Variants in FHIP1A observed in about 807,000 individuals in gnomAD.
The protein encoded by FHIP1A is FHF complex subunit HOOK interacting protein 1A.
A neutral mutation model predicts 88.6 loss-of-function variants in FHIP1A; 61 were observed. That is an observed-to-expected ratio of 0.69 (90% CI 0.56 to 0.85). The LOEUF (loss-of-function observed/expected upper bound fraction) is 0.85, where lower values mean the gene tolerates loss of function less well. Ranked by LOEUF, FHIP1A falls within the 40% of genes least tolerant of loss-of-function variation. FHIP1A has a pLI of 0.00. For synonymous variants in FHIP1A, 478 were observed against 496.0 expected (o/e 0.96, Z 0.48); for missense variants, 1,154 against 1,273.5 (o/e 0.91, Z 1.43).
In FHIP1A at chr4:151,591,696, C is replaced by T. The variant is rs191770610; in HGVS notation, c.978+2770C>T. On this transcript the variant is annotated intron_variant, in intron 7 of 13. Transcript: ENST00000435205. ...ACTCCCACTTATGAGTGAGAACATG[C>T]GGTGTTTGGTTTTCTGTTCCTGTGT... 3.0e-3 allele frequency among the ~76,000 whole-genome samples: 461 copies of T among 152,178 alleles called. 3 individuals carry two copies. The highest frequency in any genetic ancestry group is 0.011 in the African/African-American group (441 of 41,510).
At chr4:151,654,935 C>T (rs1241080110) in intron 11 of FHIP1A, among the ~76,000 whole-genome samples, 1 of 152,118 alleles carries the variant, frequency 6.6e-6, no homozygotes, top group Non-Finnish European at 1.5e-5. Context: ...TTAGAGACAT[C>T]CTTAGTGTTC....
intron 3 of FHIP1A, among the ~76,000 whole-genome samples, chr4:151,554,251 C>A (rs1732860357): frequency 6.6e-6 from 1 of 152,178 alleles, no homozygotes; most frequent in Admixed American, 6.6e-5. Flanking sequence ...GCTTTTCTCA[C>A]TGGTGGCTGT....
intron 3 of FHIP1A, among the ~76,000 whole-genome samples, chr4:151,492,082 C>T (rs1730302784): frequency 6.6e-6 from 1 of 152,148 alleles, no homozygotes. Flanking sequence ...ACTGACAGCA[C>T]TAGACAGGTC....
chr4:151,447,256 G>A (rs1042262786), intron 1 of FHIP1A, among the ~76,000 whole-genome samples: 1 of 152,292 alleles, frequency 6.6e-6, no homozygotes, highest in Middle Eastern at 3.4e-3. Context: ...AATGCAGAGA[G>A]GTCTTCCAAA....
At chr4:151,597,570 C>T (rs1211539340) in intron 7 of FHIP1A, among the ~76,000 whole-genome samples, 3 of 152,180 alleles carry the variant, frequency 2.0e-5, no homozygotes, top group Non-Finnish European at 2.9e-5. Context: ...CTGGGAGATC[C>T]GCTGCTCTCT....
In FHIP1A at chr4:151,636,178, A is replaced by G. The variant is rs528395212; in HGVS notation, c.1147-2499A>G. ...TGTAAAGCTGGTTTAAAGTCTGAAA[A>G]TCAATTAATGTAATACATCATATCA... On this transcript the variant is annotated intron_variant, in intron 8 of 13. Transcript: ENST00000435205. Among the ~76,000 whole-genome samples, 6 of 152,160 alleles carry G rather than the reference A, an allele frequency of 3.9e-5. No individual in the cohort carries two copies. The South Asian group carries it at 1.2e-3, about 31-fold the overall frequency.
intron 1 of FHIP1A, among the ~76,000 whole-genome samples, chr4:151,431,665 A>G (rs1010420890): frequency 1.3e-5 from 2 of 152,196 alleles, no homozygotes; most frequent in South Asian, 2.1e-4. Flanking sequence ...GCAATGCTGT[A>G]AGGTCATGAA....
chr4:151,438,543 A>G (rs1010153611), intron 1 of FHIP1A, among the ~76,000 whole-genome samples: 1 of 151,698 alleles, frequency 6.6e-6, no homozygotes, highest in Non-Finnish European at 1.5e-5. Flanking sequence ...AAAAAAATCT[A>G]CCTCACCAGA....
rs186426372 is a variant in FHIP1A, at chr4:151,605,246, T to C, written c.978+16320T>C. 2.0e-3 allele frequency among the ~76,000 whole-genome samples: 300 copies of C among 152,236 alleles called. 1 individual carries two copies. The highest frequency in any genetic ancestry group is 7.2e-3 in the African/African-American group (298 of 41,546). On this transcript the variant is annotated intron_variant, in intron 7 of 13. Coordinates refer to ENST00000435205, the MANE Select transcript of FHIP1A (RefSeq NM_001109977.3). ...TGAACTAGGGTAGGGTAGTCTTTTG[T>C]TTAGTGGGTTGTTTTGCTCCTTTTT...
At chr4:151,434,290 T>C (rs1733718996) in intron 1 of FHIP1A, among the ~76,000 whole-genome samples, 2 of 152,204 alleles carry the variant, frequency 1.3e-5, no homozygotes, top group Non-Finnish European at 2.9e-5. Context: ...TCAAATTCTT[T>C]GTAGGATTAG....
chr4:151,502,345 A>G (rs1218286619), intron 3 of FHIP1A, among the ~76,000 whole-genome samples: 2 of 151,398 alleles, frequency 1.3e-5, no homozygotes, highest in Admixed American at 6.6e-5. Context: ...CAAACAAACA[A>G]ACAAACAAAC....
At chr4:151,632,073 T>C (rs1736177564) in intron 8 of FHIP1A, among the ~76,000 whole-genome samples, 1 of 151,984 alleles carries the variant, frequency 6.6e-6, no homozygotes, top group Non-Finnish European at 1.5e-5. Context: ...TCTAAGAACA[T>C]GCATAAGCTG....
chr4:151,636,785 A>G lies in FHIP1A; in HGVS notation c.1147-1892A>G, dbSNP rs75188208. ...CGATCTACAGTTTCAATGCTTTTCT[A>G]TAAAACTCCTATCTGGCCTATTTGT... is the stretch of plus-strand genomic sequence containing the variant. On this transcript the variant is annotated intron_variant, in intron 8 of 13. Transcript: ENST00000435205. Among the ~76,000 whole-genome samples the G allele has an allele frequency of 7.9e-3, 1,204 of 152,234 alleles. 10 individuals are homozygous for G. Among genetic ancestry groups the G allele is most frequent in the African/African-American group, 0.028 (1,156 of 41,576 alleles).
chr4:151,457,273 C>T (rs1462504845), intron 2 of FHIP1A, among the ~76,000 whole-genome samples: 3 of 152,030 alleles, frequency 2.0e-5, no homozygotes, highest in Non-Finnish European at 2.9e-5. Context: ...TATGAAATGT[C>T]AGACAACTTA....
chr4:151,457,688 C>G (rs1246490857), intron 2 of FHIP1A, among the ~76,000 whole-genome samples: 1 of 152,116 alleles, frequency 6.6e-6, no homozygotes, highest in Non-Finnish European at 1.5e-5. Context: ...TGTCTGGCTG[C>G]CCTAGTTCTA....
intron 7 of FHIP1A, among the ~76,000 whole-genome samples, chr4:151,624,768 CA>C (rs1735890169): frequency 6.6e-6 from 1 of 152,100 alleles, no homozygotes; most frequent in Non-Finnish European, 1.5e-5. Context: ...GCGGTGCTAG[CA>C]GTGTAGCGTG....
chr4:151,463,973 C>A (rs1729222076), intron 2 of FHIP1A, among the ~76,000 whole-genome samples: 1 of 152,180 alleles, frequency 6.6e-6, no homozygotes, highest in Admixed American at 6.5e-5. Flanking sequence ...TATGATCTGA[C>A]TCCTAACCTC....
chr4:151,665,740 A>G lies in FHIP1A; in HGVS notation c.*2986A>G, dbSNP rs1443215372. 1.3e-5 allele frequency among the ~76,000 whole-genome samples: 2 copies of G among 152,218 alleles called. No homozygotes were observed. The highest frequency in any genetic ancestry group is 2.9e-5 in the Non-Finnish European group (2 of 68,034). Reference sequence around the variant, plus strand: ...AAAATCATTGGCAATGAAGTAGAATATTCTGGTCCTAAAGTAAATCGGCAA... The same window carrying G: ...AAAATCATTGGCAATGAAGTAGAATGTTCTGGTCCTAAAGTAAATCGGCAA... On this transcript the variant is annotated 3_prime_UTR_variant, in exon 14 of 14. Transcript: ENST00000435205.
chr4:151,649,795 C>G lies in FHIP1A; in HGVS notation c.1754C>G (p.Thr585Ser). The change falls in exon 11 of 14, where the codon ACT (threonine) becomes AGT (serine). Residue 585 changes from threonine to serine, a missense_variant. Thr to Ser is a moderately conservative substitution (Grantham distance 58). Transcript: ENST00000435205. The stretch of plus-strand genomic sequence containing the variant: ...CTGGAATGGGATGACAGCTATGACA[C>G]TGGAATCTCCTCAGGGGCTGACGTG... The part of the protein sequence containing the change: ...TELEWDDSYD[T>S]GISSGADVGS... 6.4e-7 allele frequency: 1 copy of G among 1,551,694 alleles called. No homozygotes were observed. Among genetic ancestry groups the G allele is most frequent in the Non-Finnish European group, 8.7e-7 (1 of 1,146,984 alleles).
Sources: allele counts gnomAD v4.1 joint callset (sites outside exome capture counted in the v4.1 genomes callset), GRCh38; gene constraint gnomAD v4.1.1; transcripts MANE v1.5; gene names NCBI Gene and HGNC (gene_info 2026-07-23, HGNC 2026-07-21).